DYM: variants seen among roughly 807,000 people sequenced by gnomAD.
DYM encodes the protein dymeclin.
Under a neutral mutation model 93.1 loss-of-function variants are expected in DYM, and 78 were observed. The observed-to-expected ratio is 0.84, with a 90% CI of 0.70 to 1.01. The LOEUF is 1.01. Ranked by LOEUF, DYM falls within the 50% of genes least tolerant of loss-of-function variation. The pLI is 0.00. For synonymous variants in DYM, 321 were observed against 319.7 expected (o/e 1.00, Z -0.04); for missense variants, 789 against 845.0 (o/e 0.93, Z 0.82).
chr18:49,391,937 A>G (rs2069307475), intron 2 of DYM, among the ~76,000 whole-genome samples: 1 of 152,216 alleles, frequency 6.6e-6, no homozygotes, highest in South Asian at 2.1e-4. Flanking sequence ...AAGGCACTCC[A>G]AAGTAGAGAG....
chr18:49,228,451 A>T (rs1288250936), intron 13 of DYM, among the ~76,000 whole-genome samples: 1 of 152,188 alleles, frequency 6.6e-6, no homozygotes, highest in Non-Finnish European at 1.5e-5. Flanking sequence ...CACAATTTGG[A>T]CATTTTGCAG....
At chr18:49,065,005 A>C (rs762509889) in intron 17 of DYM, among the ~76,000 whole-genome samples, 3 of 151,864 alleles carry the variant, frequency 2.0e-5, no homozygotes, top group Non-Finnish European at 2.9e-5. Context: ...TACTTACATG[A>C]TTTAAATTAG....
At chr18:49,278,642 A>T (rs573657150) in intron 10 of DYM, among the ~76,000 whole-genome samples, 1 of 152,294 alleles carries the variant, frequency 6.6e-6, no homozygotes, top group East Asian at 1.9e-4. Flanking sequence ...TTTCTGAAGT[A>T]GCTGTGTTTC....
rs1280319683 is a variant in DYM at position 49,363,095 on chromosome 18, C to T, written c.494+66G>A. 4 of 1,328,616 alleles carry T rather than the reference C, an allele frequency of 3.0e-6. No individual in the cohort carries two copies. In the South Asian group the frequency reaches 4.7e-5, roughly 16 times the overall value. 82.3% of individuals were successfully genotyped at this position (1,328,616 alleles called of 1,614,324 possible). On this transcript the variant is annotated intron_variant, in intron 6 of 17. Coordinates refer to ENST00000675505, the MANE Select transcript of DYM (RefSeq NM_001353214.3). Reference sequence around the variant, plus strand: ...ATACAAGGACCCACAAACTTCTCAACATGATCAATGATTATCTGCCATATA... The same window carrying T: ...ATACAAGGACCCACAAACTTCTCAATATGATCAATGATTATCTGCCATATA...
intron 14 of DYM, among the ~76,000 whole-genome samples, chr18:49,202,681 C>T (rs1375973170): frequency 1.2e-4 from 12 of 100,974 alleles, no homozygotes; most frequent in East Asian, 3.2e-4. Context: ...TCTGCCCGGC[C>T]GAGACCCCGT....
chr18:49,192,095 A>ATTTTT (rs55967928), intron 14 of DYM, among the ~76,000 whole-genome samples: 11 of 68,332 alleles, frequency 1.6e-4, no homozygotes, highest in East Asian at 4.1e-4. Flanking sequence ...TGCCTGGCTA[A>ATTTTT]TTTTTTTTTT....
chr18:49,366,506 C>T (rs1175381033), intron 5 of DYM, among the ~76,000 whole-genome samples: 2 of 152,176 alleles, frequency 1.3e-5, no homozygotes, highest in Non-Finnish European at 2.9e-5. Flanking sequence ...AGAGTTCTCT[C>T]TCAATGCTTG....
chr18:49,432,345 A>AAAAG (rs1342909412), intron 1 of DYM, among the ~76,000 whole-genome samples: 13 of 150,582 alleles, frequency 8.6e-5, no homozygotes, highest in African/African-American at 2.7e-4. Context: ...AAAAAAAAAA[A>AAAAG]AAAGAAAGAA....
intron 13 of DYM, among the ~76,000 whole-genome samples, chr18:49,225,135 T>C (rs1428254302): frequency 3.3e-5 from 5 of 152,166 alleles, no homozygotes; most frequent in Admixed American, 2.0e-4. Flanking sequence ...GTTAATCCCA[T>C]TGATTAGCTC....
chr18:49,337,477 G>C (rs976383457), intron 6 of DYM, among the ~76,000 whole-genome samples: 1 of 152,200 alleles, frequency 6.6e-6, no homozygotes, highest in Non-Finnish European at 1.5e-5. Flanking sequence ...TATCAGAAAA[G>C]AGGCACTCTC....
chr18:49,459,324 T>G (rs1018618326), intron 1 of DYM, among the ~76,000 whole-genome samples: 7 of 152,142 alleles, frequency 4.6e-5, no homozygotes, highest in African/African-American at 1.2e-4. Flanking sequence ...GTCCGGTCTA[T>G]CTCCAAGTTG....
At chr18:49,347,051 A>C (rs1232485103) in intron 6 of DYM, among the ~76,000 whole-genome samples, 2 of 152,240 alleles carry the variant, frequency 1.3e-5, no homozygotes, top group Admixed American at 6.5e-5. Flanking sequence ...AATTTATTGA[A>C]CACTGTACTG....
At chr18:49,068,626 AC>A (rs780355914) in intron 17 of DYM, among the ~76,000 whole-genome samples, 19 of 152,204 alleles carry the variant, frequency 1.2e-4, no homozygotes, top group Non-Finnish European at 2.2e-4. Context: ...TGAACTGGGT[AC>A]CCTGACACTT....
chr18:49,200,085 C>T lies in DYM; in HGVS notation c.1625+9466G>A, dbSNP rs79488731. 3.3e-4 allele frequency among the ~76,000 whole-genome samples: 50 copies of T among 152,164 alleles called. 2 individuals are homozygous for T. In the East Asian group the frequency reaches 5.4e-3, roughly 16 times the overall value. On this transcript the variant is annotated intron_variant, in intron 14 of 17. Coordinates refer to ENST00000675505, the MANE Select transcript of DYM (RefSeq NM_001353214.3). Reference sequence around the variant, plus strand: ...CATACTGAGGAACTCCTATCTAATCCTGTAAACCACCGCAGTTCTTTGCCA... The same window carrying T: ...CATACTGAGGAACTCCTATCTAATCTTGTAAACCACCGCAGTTCTTTGCCA...
intron 14 of DYM, among the ~76,000 whole-genome samples, chr18:49,186,894 T>C (rs1051647018): frequency 2.6e-5 from 4 of 151,220 alleles, no homozygotes; most frequent in Non-Finnish European, 5.9e-5. Flanking sequence ...AGGGAGATCA[T>C]ATATTCACTG....
intron 16 of DYM, among the ~76,000 whole-genome samples, chr18:49,117,997 T>A (rs2082057037): frequency 1.8e-4 from 1 of 5,538 alleles, no homozygotes; most frequent in Admixed American, 3.8e-3. Context: ...GTGCCCAGCC[T>A]TTTTTTTTTT....
At chr18:49,435,423 TA>T (rs58887917) in intron 1 of DYM, among the ~76,000 whole-genome samples, 49,546 of 124,454 alleles carry the variant, frequency 0.4, 9,341 homozygotes, top group East Asian at 0.57. Context: ...ACTAAAACAG[TA>T]AAAAAAAAAA....
intron 8 of DYM, chr18:49,329,655 C>G (rs2146779874): frequency 6.6e-6 from 1 of 152,388 alleles, no homozygotes; most frequent in East Asian, 1.9e-4. Context: ...CCTGCCCTGT[C>G]AGTGACAACA....
intron 5 of DYM, among the ~76,000 whole-genome samples, chr18:49,367,082 T>C (rs2066592972): frequency 6.6e-6 from 1 of 152,194 alleles, no homozygotes; most frequent in African/African-American, 2.4e-5. Context: ...CCAAGTACTA[T>C]GGGCCCGGTT....
Sources: gnomAD v4.1 joint callset for allele counts (sites outside exome capture counted in the v4.1 genomes callset) on GRCh38, gnomAD v4.1.1 for gene constraint, MANE v1.5 for transcripts, NCBI Gene and HGNC (gene_info 2026-07-23, HGNC 2026-07-21) for gene names.